LRRC37A2: variants seen among roughly 807,000 people sequenced by gnomAD.
LRRC37A2 encodes leucine-rich repeat-containing protein 37A2.
A neutral mutation model predicts 68.8 loss-of-function variants in LRRC37A2; 9 were observed. That is an observed-to-expected ratio of 0.13 (90% CI 0.08 to 0.23). LRRC37A2 has a LOEUF of 0.23. Ranked by LOEUF, LRRC37A2 falls within the 10% of genes least tolerant of loss-of-function variation. LRRC37A2 has a pLI of 1.00. For missense variants in LRRC37A2, 168 were observed against 950.4 expected, an observed-to-expected ratio of 0.18 and a Z score of 10.82; for synonymous variants, 63 against 367.6, an observed-to-expected ratio of 0.17 and a Z score of 9.48.
chr17:46,990,012 C>T, the LRRC37A2 span, among the ~76,000 whole-genome samples: 1 of 152,180 alleles, frequency 6.6e-6, no homozygotes, highest in Non-Finnish European at 1.5e-5. Context: ...GTTGTTACAC[C>T]ATAAGGAATA....
the LRRC37A2 span, among the ~76,000 whole-genome samples, chr17:46,497,293 T>C: frequency 6.8e-6 from 1 of 147,756 alleles, no homozygotes; most frequent in Non-Finnish European, 1.5e-5. Flanking sequence ...CATTTACATT[T>C]AATATGATTG....
the LRRC37A2 span, among the ~76,000 whole-genome samples, chr17:46,846,505 C>A: frequency 6.6e-6 from 1 of 152,154 alleles, no homozygotes; most frequent in African/African-American, 2.4e-5. Flanking sequence ...GGCACTGGCA[C>A]AAAGTACAGT....
the LRRC37A2 span, among the ~76,000 whole-genome samples, chr17:46,842,215 G>T: frequency 6.6e-6 from 1 of 152,204 alleles, no homozygotes; most frequent in East Asian, 1.9e-4. Context: ...GTTTCTTCAG[G>T]CGCAAACTGG....
At chr17:46,944,322 T>G in the LRRC37A2 span, among the ~76,000 whole-genome samples, 1 of 152,216 alleles carries the variant, frequency 6.6e-6, no homozygotes. Flanking sequence ...AGAGCCTGGC[T>G]TCAAGTCCCA....
chr17:46,929,599 G>C, the LRRC37A2 span: 2 of 1,314,690 alleles, frequency 1.5e-6, no homozygotes, highest in Middle Eastern at 1.8e-4. Context: ...GTAATTAACT[G>C]TGGAGACCAG....
chr17:47,021,019 G>A, the LRRC37A2 span, among the ~76,000 whole-genome samples: 13 of 151,900 alleles, frequency 8.6e-5, no homozygotes, highest in East Asian at 5.8e-4. Flanking sequence ...CTAGGCAAAC[G>A]CTTGGCTACA....
the LRRC37A2 span, among the ~76,000 whole-genome samples, chr17:46,887,777 G>GAAA: frequency 6.6e-6 from 1 of 150,618 alleles, no homozygotes; most frequent in Non-Finnish European, 1.5e-5. Context: ...AAGAAAGAAA[G>GAAA]AAAGAAAGAA....
At position 46,548,778 on chromosome 17, in the gene LRRC37A2, G is replaced by C; in HGVS notation, c.3639G>C (p.Glu1213Asp). The C allele has an allele frequency of 6.2e-7, 1 of 1,611,618 alleles. No individual in the cohort carries two copies. The highest frequency in any genetic ancestry group is 8.5e-7 in the Non-Finnish European group (1 of 1,179,866). Reference sequence around the variant, plus strand: ...GGCTCGGGAGTCCAGCCCCAAGGGAGGTGGAACAGCCCCACACACAGCAGG... The same window carrying C: ...GGCTCGGGAGTCCAGCCCCAAGGGACGTGGAACAGCCCCACACACAGCAGG... The change falls in exon 10 of 15, where the codon GAG (glutamate) becomes GAC (aspartate). Residue 1213 changes from glutamate to aspartate, a missense_variant. Physicochemically the swap from Glu to Asp is conservative, Grantham distance 45. Coordinates refer to ENST00000576629, the Ensembl canonical transcript of LRRC37A2.
the LRRC37A2 span, among the ~76,000 whole-genome samples, chr17:46,605,570 C>A: frequency 9.8e-6 from 1 of 102,102 alleles, no homozygotes; most frequent in Non-Finnish European, 2.0e-5. Context: ...TTTCCATATG[C>A]TTAGAGAAAA....
At chr17:46,779,569 C>G in the LRRC37A2 span, among the ~76,000 whole-genome samples, 1 of 152,174 alleles carries the variant, frequency 6.6e-6, no homozygotes, top group Non-Finnish European at 1.5e-5. Context: ...GCACAACAGG[C>G]TGCTTGTGGA....
chr17:46,969,579 C>T, the LRRC37A2 span, among the ~76,000 whole-genome samples: 1 of 152,232 alleles, frequency 6.6e-6, no homozygotes, highest in African/African-American at 2.4e-5. Context: ...CTGGGACCAG[C>T]CTCTGTCCTG....
the LRRC37A2 span, among the ~76,000 whole-genome samples, chr17:46,783,082 A>C: frequency 6.6e-6 from 1 of 152,158 alleles, no homozygotes; most frequent in Non-Finnish European, 1.5e-5. Flanking sequence ...GGGCTAGTTC[A>C]TTCTCTCAAC....
chr17:46,944,370 G>A, the LRRC37A2 span, among the ~76,000 whole-genome samples: 1 of 152,288 alleles, frequency 6.6e-6, no homozygotes, highest in African/African-American at 2.4e-5. Flanking sequence ...ACACCTCTCA[G>A]CCTCAGCTTT....
chr17:46,661,359 A>T, the LRRC37A2 span, among the ~76,000 whole-genome samples: 3 of 146,900 alleles, frequency 2.0e-5, no homozygotes, highest in Admixed American at 1.4e-4. Flanking sequence ...TTTTTATTTG[A>T]ATCTCTTCTA....
chr17:46,773,916 GCAGA>G, the LRRC37A2 span: 3 of 1,610,748 alleles, frequency 1.9e-6, no homozygotes, highest in Non-Finnish European at 1.7e-6. Context: ...GGACCTGCAG[GCAGA>G]CAGAGGGTAG....
the LRRC37A2 span, among the ~76,000 whole-genome samples, chr17:46,833,720 G>T: frequency 6.6e-6 from 1 of 152,168 alleles, no homozygotes; most frequent in Admixed American, 6.5e-5. Flanking sequence ...TGTTTCCCAC[G>T]TGAGTGAGCG....
chr17:47,022,090 G>T, the LRRC37A2 span, among the ~76,000 whole-genome samples: 1 of 149,756 alleles, frequency 6.7e-6, no homozygotes, highest in African/African-American at 2.5e-5. Context: ...AATTTGGTAG[G>T]CTCTCTTTAA....
At chr17:46,925,832 A>G in the LRRC37A2 span, among the ~76,000 whole-genome samples, 1 of 152,206 alleles carries the variant, frequency 6.6e-6, no homozygotes, top group Non-Finnish European at 1.5e-5. Context: ...TCCTGAACCT[A>G]CCTGAACAAT....
At chr17:46,731,339 A>C in the LRRC37A2 span, among the ~76,000 whole-genome samples, 1 of 152,134 alleles carries the variant, frequency 6.6e-6, no homozygotes, top group Non-Finnish European at 1.5e-5. Flanking sequence ...GGAGGGGAGA[A>C]TGAGAAGAGT....
Sources: allele counts gnomAD v4.1 joint callset (sites outside exome capture counted in the v4.1 genomes callset), GRCh38; gene constraint gnomAD v4.1.1; transcripts MANE v1.5; gene names NCBI Gene and HGNC (gene_info 2026-07-23, HGNC 2026-07-21).